ZNF695: variants seen among roughly 807,000 people sequenced by gnomAD.
ZNF695 encodes the protein zinc finger protein SBZF3.
In ZNF695, 11 loss-of-function variants were observed where a neutral mutation model predicts 11.2. That is an observed-to-expected ratio of 0.98 (90% CI 0.62 to 1.62). The LOEUF (loss-of-function observed/expected upper bound fraction) is 1.62. ZNF695 is among the 40% of genes most tolerant of loss of function. ZNF695 has a pLI of 0.00. For synonymous variants in ZNF695, 190 were observed against 201.4 expected (o/e 0.94, Z 0.48); for missense variants, 559 against 590.5 (o/e 0.95, Z 0.55).
Position 246,987,438 on chromosome 1 carries a change from T to C in ZNF695, c.1077A>G (p.Lys359=), listed in dbSNP as rs3749427. 0.63 allele frequency: 1,020,923 copies of C among 1,611,734 alleles called. 333,562 individuals are homozygous for C. Among genetic ancestry groups the C allele is most frequent in the East Asian group, 0.97 (43,652 of 44,832 alleles). ...EKTFRCEECG[K]AFNQSSHLTE... Reference sequence around the variant, plus strand: ...TCAGATGTGAGCTCTGGTTAAAGGCTTTTCCACATTCTTCACATCGGAAGG... The same window carrying C: ...TCAGATGTGAGCTCTGGTTAAAGGCCTTTCCACATTCTTCACATCGGAAGG... The change falls in exon 4 of 4, where the codon AAA becomes AAG. Residue 359 remains lysine (K), a synonymous_variant. Transcript: ENST00000339986.
At chr1:247,006,150 G>A (rs1225159114) in intron 1 of ZNF695, among the ~76,000 whole-genome samples, 8 of 151,678 alleles carry the variant, frequency 5.3e-5, no homozygotes, top group Non-Finnish European at 7.4e-5. Context: ...GCTTGAACCC[G>A]GGAGGCAGAG....
intron 5 of ZNF695, among the ~76,000 whole-genome samples, chr1:246,947,054 G>A (rs998387373): frequency 1.3e-5 from 2 of 151,254 alleles, no homozygotes; most frequent in Non-Finnish European, 2.9e-5. Flanking sequence ...GCAGGAGAAT[G>A]GCATGAACTC....
At chr1:246,955,924 C>T (rs568523564) in intron 5 of ZNF695, among the ~76,000 whole-genome samples, 6 of 151,552 alleles carry the variant, frequency 4.0e-5, no homozygotes, top group East Asian at 1.9e-4. Flanking sequence ...TACGGAGGCA[C>T]GGGAGCCAGA....
intron 5 of ZNF695, among the ~76,000 whole-genome samples, chr1:246,951,816 C>A (rs893239046): frequency 2.0e-5 from 3 of 152,170 alleles, no homozygotes; most frequent in African/African-American, 7.2e-5. Context: ...TAGAATGAGC[C>A]CCATAGGCTT....
At chr1:246,961,301 T>C (rs969227462) in intron 5 of ZNF695, among the ~76,000 whole-genome samples, 1 of 152,234 alleles carries the variant, frequency 6.6e-6, no homozygotes, top group African/African-American at 2.4e-5. Flanking sequence ...ATGAGCTGTT[T>C]ATTTGTTCAT....
At chr1:246,978,998 T>A (rs1668636794) in intron 4 of ZNF695, among the ~76,000 whole-genome samples, 1 of 152,152 alleles carries the variant, frequency 6.6e-6, no homozygotes, top group Admixed American at 6.5e-5. Flanking sequence ...AGAAATGAGG[T>A]CATGTGTGTT....
downstream of ZNF695, among the ~76,000 whole-genome samples, chr1:246,981,481 A>C (rs1259843105): frequency 6.6e-6 from 1 of 152,216 alleles, no homozygotes; most frequent in African/African-American, 2.4e-5. Context: ...ATATTTGGGA[A>C]TATTTGGGAA....
Position 247,008,049 on chromosome 1 carries a change from G to T in ZNF695, c.-141C>A. 1.1e-6 allele frequency: 1 copy of T among 920,126 alleles called. No individual in the cohort carries two copies. The highest frequency in any genetic ancestry group is 1.5e-6 in the Non-Finnish European group (1 of 675,076). The allele number at this position is 920,126 out of a possible 1,614,324, so 57.0% of individuals were successfully genotyped here. A position where few individuals can be genotyped will look rare whatever the true frequency, so the allele number is the denominator to read the frequency against. On this transcript the variant is annotated 5_prime_UTR_variant, in exon 1 of 4. Transcript: ENST00000339986. ...AACCCAGCACCCCGCCGGCCGCAAGGAGACAAAGGCCCCGCCAGATCCCCA... is the reference window on the plus strand; with the variant it reads ...AACCCAGCACCCCGCCGGCCGCAAGTAGACAAAGGCCCCGCCAGATCCCCA...
rs541252890 is a variant in ZNF695, at chr1:246,977,192, C to G, written c.391-9400G>C. On this transcript the variant is annotated intron_variant, in intron 4 of 5. Transcript: ENST00000487338. ...AAATAAATCTACTCATCAGTGCCCACTGGTATTTTAATGGCTCAATAGAAA... is the reference window on the plus strand; with the variant it reads ...AAATAAATCTACTCATCAGTGCCCAGTGGTATTTTAATGGCTCAATAGAAA... Among the ~76,000 whole-genome samples, 178 of 152,298 alleles carry G rather than the reference C, an allele frequency of 1.2e-3. 2 individuals are homozygous for G. The highest frequency in any genetic ancestry group is 4.1e-3 in the African/African-American group (169 of 41,562).
At chr1:246,998,977 AATATATATATATAT>A (rs6143721) in intron 3 of ZNF695, among the ~76,000 whole-genome samples, 42 of 144,354 alleles carry the variant, frequency 2.9e-4, no homozygotes, top group Non-Finnish European at 3.6e-4. Context: ...CAAGAAAACA[AATATATATATATAT>A]ATATATATAT....
chr1:246,988,838 C>T (rs1668935005), intron 3 of ZNF695, among the ~76,000 whole-genome samples: 1 of 152,110 alleles, frequency 6.6e-6, no homozygotes, highest in African/African-American at 2.4e-5. Flanking sequence ...CGCCTGTAAT[C>T]CCAGCACTTT....
At chr1:246,972,553 A>C (rs1462148256) in intron 4 of ZNF695, among the ~76,000 whole-genome samples, 2 of 152,176 alleles carry the variant, frequency 1.3e-5, no homozygotes, top group African/African-American at 4.8e-5. Flanking sequence ...ATGAAGTCTC[A>C]TTCTGTCGCC....
At chr1:246,970,054 T>C (rs1331531617) in intron 4 of ZNF695, among the ~76,000 whole-genome samples, 1 of 152,240 alleles carries the variant, frequency 6.6e-6, no homozygotes, top group Non-Finnish European at 1.5e-5. Flanking sequence ...TATCTTCTCC[T>C]AAAATCCTTT....
At chr1:246,972,931 GTATA>G (rs57441901) in intron 4 of ZNF695, among the ~76,000 whole-genome samples, 6,987 of 145,074 alleles carry the variant, frequency 0.048, 575 homozygotes, top group African/African-American at 0.16. Flanking sequence ...TTTTTAATGT[GTATA>G]TATATATATA....
chr1:246,967,760 A>G, exon 5 of ZNF695: 1 of 394,848 alleles, frequency 2.5e-6, no homozygotes, highest in Non-Finnish European at 5.0e-6. Context: ...TCATGGCAGA[A>G]GGCAAAGGGG....
intron 3 of ZNF695, among the ~76,000 whole-genome samples, chr1:246,994,805 T>C (rs914975398): frequency 1.2e-4 from 18 of 151,330 alleles, no homozygotes; most frequent in South Asian, 6.3e-4. Flanking sequence ...CCACTGCACT[T>C]CAGCCTGGGC....
rs1363218745 is a variant in ZNF695, at chr1:246,985,925, T to C, written c.*1042A>G. The C allele has an allele frequency of 2.0e-6, 2 of 985,476 alleles. No homozygotes were observed. Among genetic ancestry groups the C allele is most frequent in the Non-Finnish European group, 1.2e-6 (1 of 829,942 alleles). The allele number at this position is 985,476 out of a possible 1,614,324, so 61.0% of individuals were successfully genotyped here. A position where few individuals can be genotyped will look rare whatever the true frequency, so the allele number is the denominator to read the frequency against. ...ATAGAAGAAACTCTCACAGCTTTCA[T>C]GTAGCAACAGTAGGCCTCATGCCTT... On this transcript the variant is annotated 3_prime_UTR_variant, in exon 4 of 4. Coordinates refer to ENST00000339986, the MANE Select transcript of ZNF695 (RefSeq NM_020394.5).
Position 246,987,016 on chromosome 1 carries a change from G to A in ZNF695, c.1499C>T (p.Ala500Val), listed in dbSNP as rs1668870271. The part of the protein sequence containing the change: ...KPYKCEECGK[A>V]FNHSAQLAVH... ...AGCAAGTTGTGCAGAGTGGTTAAAG[G>A]CTTTGCCACATTCCTCACACTTGTA... The change falls in exon 4 of 4, where the codon GCC (alanine) becomes GTC (valine). Residue 500 changes from alanine to valine, a missense_variant. By Grantham distance (64) the Ala-to-Val change is moderately conservative (BLOSUM62 0). Coordinates refer to ENST00000339986, the MANE Select transcript of ZNF695 (RefSeq NM_020394.5). 6.2e-7 allele frequency: 1 copy of A among 1,609,986 alleles called. No individual in the cohort carries two copies. Among genetic ancestry groups the A allele is most frequent in the Non-Finnish European group, 8.5e-7 (1 of 1,178,608 alleles).
At chr1:246,965,900 C>T (rs561537511) in intron 5 of ZNF695, among the ~76,000 whole-genome samples, 10 of 151,648 alleles carry the variant, frequency 6.6e-5, no homozygotes, top group Middle Eastern at 3.4e-3. Flanking sequence ...TTCAGGTATT[C>T]TGTTATAAGC....
Sources: gnomAD v4.1 joint callset for allele counts (sites outside exome capture counted in the v4.1 genomes callset) on GRCh38, gnomAD v4.1.1 for gene constraint, MANE v1.5 for transcripts, NCBI Gene and HGNC (gene_info 2026-07-23, HGNC 2026-07-21) for gene names.